KITLG: variants seen among roughly 807,000 people sequenced by gnomAD.
The protein encoded by KITLG is c-Kit ligand.
Under a neutral mutation model 34.1 loss-of-function variants are expected in KITLG, and 13 were observed. The ratio of observed to expected loss-of-function variants is 0.38; its 90% confidence interval spans 0.25 to 0.61. The LOEUF (loss-of-function observed/expected upper bound fraction) is 0.61. Among genes scored for constraint, KITLG ranks in the 20% least tolerant of loss-of-function variants. The pLI is 0.60. For synonymous variants in KITLG, 110 were observed against 104.0 expected, an observed-to-expected ratio of 1.06 and a Z score of -0.35; for missense variants, 292 against 318.9, an observed-to-expected ratio of 0.92 and a Z score of 0.64.
At chr12:88,511,740 A>G (rs2120823147) in intron 6 of KITLG, among the ~76,000 whole-genome samples, 1 of 152,312 alleles carries the variant, frequency 6.6e-6, no homozygotes, top group Admixed American at 6.5e-5. Context: ...CAGACACAGA[A>G]CAATGGGGAC....
At chr12:88,537,648 G>GA (rs1242000143) in intron 2 of KITLG, among the ~76,000 whole-genome samples, 3 of 148,804 alleles carry the variant, frequency 2.0e-5, no homozygotes, top group South Asian at 2.1e-4. Context: ...ATATTAAAAA[G>GA]AAAAAACCAC....
chr12:88,555,106 T>C (rs975535617), intron 1 of KITLG, among the ~76,000 whole-genome samples: 1 of 152,136 alleles, frequency 6.6e-6, no homozygotes, highest in Non-Finnish European at 1.5e-5. Flanking sequence ...TTGCTTAATA[T>C]GAAAAGGCAG....
At chr12:88,565,170 T>C (rs1871404434) in intron 1 of KITLG, among the ~76,000 whole-genome samples, 1 of 152,246 alleles carries the variant, frequency 6.6e-6, no homozygotes. Flanking sequence ...CATCTCAGTA[T>C]CCAAAACTAC....
intron 1 of KITLG, among the ~76,000 whole-genome samples, chr12:88,558,144 C>T (rs955220406): frequency 6.6e-6 from 1 of 152,032 alleles, no homozygotes; most frequent in Non-Finnish European, 1.5e-5. Context: ...TTTCCTAGAA[C>T]CTTTTTGTGT....
chr12:88,543,842 C>G (rs557603264), intron 2 of KITLG, among the ~76,000 whole-genome samples: 31 of 152,240 alleles, frequency 2.0e-4, no homozygotes, highest in Non-Finnish European at 3.7e-4. Flanking sequence ...TTTCCTTCAT[C>G]TTGTCTCTAA....
Position 88,517,555 on chromosome 12 carries a change from T to C in KITLG, c.364-1065A>G, listed in dbSNP as rs1592842910. ...AACATCACCATTGACCTAACTCATT[T>C]ACCTAACTCATCTTTAAGGCTCTAA... On this transcript the variant is annotated intron_variant, in intron 4 of 9. Transcript: ENST00000644744. Among the ~76,000 whole-genome samples, 3 of 152,246 alleles carry C rather than the reference T, an allele frequency of 2.0e-5. No individual in the cohort carries two copies. In the South Asian group the frequency reaches 6.2e-4, roughly 32 times the overall value.
At chr12:88,498,967 G>A (rs1014561012) in intron 9 of KITLG, among the ~76,000 whole-genome samples, 5 of 152,146 alleles carry the variant, frequency 3.3e-5, no homozygotes, top group African/African-American at 1.2e-4. Context: ...GGGTCACTTA[G>A]CAAAGAAAAT....
chr12:88,518,225 A>G (rs959698801), intron 4 of KITLG, among the ~76,000 whole-genome samples: 40 of 152,258 alleles, frequency 2.6e-4, no homozygotes, highest in African/African-American at 9.4e-4. Context: ...TGCCTATTCC[A>G]TATGTCATGC....
chr12:88,495,176 G>A lies in KITLG; in HGVS notation c.*2043C>T, dbSNP rs1868588368. The stretch of plus-strand genomic sequence containing the variant: ...TTAAAACCCAGCTACTAGGTTTGAG[G>A]ACAAAAGTACACATTTATTATACTC... On this transcript the variant is annotated 3_prime_UTR_variant, in exon 10 of 10. Transcript: ENST00000644744. 1.3e-5 allele frequency: 2 copies of A among 151,940 alleles called. No individual in the cohort carries two copies. The highest frequency in any genetic ancestry group is 4.8e-5 in the African/African-American group (2 of 41,398). 9.4% of individuals were successfully genotyped at this position (151,940 alleles called of 1,614,324 possible). A position where few individuals can be genotyped will look rare whatever the true frequency, so the allele number is the denominator to read the frequency against.
At chr12:88,524,508 T>C (rs1869793612) in intron 3 of KITLG, among the ~76,000 whole-genome samples, 1 of 152,200 alleles carries the variant, frequency 6.6e-6, no homozygotes, top group Non-Finnish European at 1.5e-5. Flanking sequence ...ATTTTTATAT[T>C]GATTTTAAGG....
At chr12:88,529,890 G>A (rs1381947264) in intron 3 of KITLG, among the ~76,000 whole-genome samples, 2 of 152,176 alleles carry the variant, frequency 1.3e-5, no homozygotes, top group Non-Finnish European at 2.9e-5. Flanking sequence ...GAAGAACAGT[G>A]TTTCTCCAGT....
intron 6 of KITLG, among the ~76,000 whole-genome samples, chr12:88,509,653 G>C (rs1388397529): frequency 6.6e-6 from 1 of 152,102 alleles, no homozygotes. Context: ...GAGGGTTGGG[G>C]GAAGCGCCCA....
chr12:88,547,153 C>A (rs1315759304), intron 1 of KITLG, among the ~76,000 whole-genome samples: 1 of 152,122 alleles, frequency 6.6e-6, no homozygotes, highest in Non-Finnish European at 1.5e-5. Flanking sequence ...ACACAAGAGT[C>A]CAGATGCACA....
In KITLG at chr12:88,512,086, C is replaced by T. The variant is rs1019055979; in HGVS notation, c.604+3448G>A. On this transcript the variant is annotated intron_variant, in intron 6 of 9. Coordinates refer to ENST00000644744, the MANE Select transcript of KITLG (RefSeq NM_000899.5). ...TCAATAGACATCAACTCTGAGATGA[C>T]CTATGTGTTGAAATTTGGAGACAAG... Among the ~76,000 whole-genome samples the T allele has an allele frequency of 4.6e-5, 7 of 152,142 alleles. No individual in the cohort carries two copies. The East Asian group carries it at 7.7e-4, about 17-fold the overall frequency.
At chr12:88,545,706 G>T in intron 2 of KITLG, 46 bp downstream of exon 2, 1 of 1,078,994 alleles carries the variant, frequency 9.3e-7, no homozygotes, top group Non-Finnish European at 1.4e-6. Context: ...AGGAAAAAGA[G>T]CCACAGCTCT....
intron 6 of KITLG, among the ~76,000 whole-genome samples, chr12:88,508,095 G>A (rs551726401): frequency 6.6e-6 from 1 of 152,086 alleles, no homozygotes; most frequent in East Asian, 1.9e-4. Flanking sequence ...GCTGAGGCAG[G>A]AGAATCGCAT....
At chr12:88,566,462 A>G (rs546254470) in intron 1 of KITLG, among the ~76,000 whole-genome samples, 3 of 152,312 alleles carry the variant, frequency 2.0e-5, no homozygotes, top group African/African-American at 7.2e-5. Flanking sequence ...TTTAAATGCT[A>G]CAGGAGCTCA....
At chr12:88,566,083 A>G (rs543246344) in intron 1 of KITLG, among the ~76,000 whole-genome samples, 6 of 152,184 alleles carry the variant, frequency 3.9e-5, no homozygotes, top group African/African-American at 1.4e-4. Flanking sequence ...TTATTTATTT[A>G]TTTTTAATTT....
chr12:88,556,218 C>CAAA (rs5799868), intron 1 of KITLG, among the ~76,000 whole-genome samples: 30 of 124,972 alleles, frequency 2.4e-4, no homozygotes, highest in South Asian at 2.5e-4. Context: ...AAAGAATAAG[C>CAAA]AAAAAAAAAA....
Sources: gnomAD v4.1 joint callset for allele counts (sites outside exome capture counted in the v4.1 genomes callset) on GRCh38, gnomAD v4.1.1 for gene constraint, MANE v1.5 for transcripts, NCBI Gene and HGNC (gene_info 2026-07-23, HGNC 2026-07-21) for gene names.